The following DOCK5 variants were observed in gnomAD, a reference collection of about 807,000 sequenced individuals.
DOCK5 encodes the protein dedicator of cytokinesis protein 5.
DOCK5 carries 142 observed loss-of-function variants against 251.8 expected under a neutral mutation model. The observed-to-expected ratio is 0.56, with a 90% confidence interval of 0.49 to 0.65. DOCK5 has a LOEUF of 0.65. Ranked by LOEUF, DOCK5 falls within the 30% of genes least tolerant of loss-of-function variation. DOCK5 has a pLI of 0.00. For missense variants in DOCK5, 2,111 were observed against 2,312.3 expected (o/e 0.91, Z 1.79); for synonymous variants, 842 against 835.5 (o/e 1.01, Z -0.13).
At chr8:25,372,814 GC>G (rs34170910) in intron 35 of DOCK5, 96 bp downstream of exon 35, 1 of 1,256,114 alleles carries the variant, frequency 8.0e-7, no homozygotes, top group Non-Finnish European at 1.1e-6. Context: ...ACACAGAGGC[GC>G]CCTGAGGCAC....
chr8:25,364,165 A>G (rs973592909), intron 29 of DOCK5, among the ~76,000 whole-genome samples: 2 of 152,200 alleles, frequency 1.3e-5, no homozygotes, highest in Non-Finnish European at 2.9e-5. Flanking sequence ...TTAATGAGAT[A>G]AATAAACCAT....
intron 2 of DOCK5, among the ~76,000 whole-genome samples, chr8:25,256,667 T>C (rs914997430): frequency 2.1e-4 from 32 of 150,150 alleles, no homozygotes; most frequent in Non-Finnish European, 3.8e-4. Flanking sequence ...AAAGAATCTG[T>C]TATAGTTGGA....
intron 28 of DOCK5, among the ~76,000 whole-genome samples, chr8:25,362,079 AT>A (rs1462619359): frequency 6.6e-6 from 1 of 152,208 alleles, no homozygotes; most frequent in African/African-American, 2.4e-5. Context: ...AGAGCTCTGT[AT>A]GCTTAAGTGA....
At chr8:25,201,896 G>C (rs972273558) in intron 1 of DOCK5, among the ~76,000 whole-genome samples, 5 of 152,140 alleles carry the variant, frequency 3.3e-5, no homozygotes, top group African/African-American at 1.2e-4. Context: ...AATACTGGTT[G>C]GCTCAGAACC....
chr8:25,346,523 C>T (rs1800369714), intron 26 of DOCK5, among the ~76,000 whole-genome samples: 1 of 151,406 alleles, frequency 6.6e-6, no homozygotes. Flanking sequence ...GCCCCCATCC[C>T]TCTTGAAAAC....
chr8:25,380,069 C>A lies in DOCK5; in HGVS notation c.3937-236C>A, dbSNP rs145644811. Among the ~76,000 whole-genome samples the A allele has an allele frequency of 1.9e-3, 288 of 152,326 alleles. 3 individuals carry two copies. Among genetic ancestry groups the A allele is most frequent in the African/African-American group, 6.7e-3 (277 of 41,574 alleles). Reference sequence around the variant, plus strand: ...GACACATGGTACTTATTCTTAATGTCCGTGCAAACAGAACTACAGAAGACG... The same window carrying A: ...GACACATGGTACTTATTCTTAATGTACGTGCAAACAGAACTACAGAAGACG... On this transcript the variant is annotated intron_variant, in intron 38 of 51. Transcript: ENST00000276440.
chr8:25,262,171 A>G (rs1270971494), intron 2 of DOCK5, among the ~76,000 whole-genome samples: 2 of 151,646 alleles, frequency 1.3e-5, no homozygotes, highest in Non-Finnish European at 2.9e-5. Flanking sequence ...ACCACCAGCA[A>G]TGAGAGAGAG....
At chr8:25,299,248 T>C (rs1804695999) in intron 8 of DOCK5, 147 bp downstream of exon 8, 6 of 938,698 alleles carry the variant, frequency 6.4e-6, no homozygotes, top group Non-Finnish European at 7.7e-6. Flanking sequence ...TAAAATCATA[T>C]GGTCTATGAA....
intron 11 of DOCK5, 68 bp downstream of exon 11, chr8:25,304,395 C>CCTGTTTCTGTGTTAAA: frequency 7.3e-7 from 1 of 1,367,382 alleles, no homozygotes; most frequent in Non-Finnish European, 1.0e-6. Context: ...TCTTTTAACA[C>CCTGTTTCTGTGTTAAA]AGAAACAGGT....
At chr8:25,259,163 C>A (rs1477995538) in intron 2 of DOCK5, among the ~76,000 whole-genome samples, 1 of 152,096 alleles carries the variant, frequency 6.6e-6, no homozygotes, top group African/African-American at 2.4e-5. Context: ...ATAAATAAAG[C>A]CAGAAGACTT....
chr8:25,312,366 A>G (rs58786999), intron 13 of DOCK5, among the ~76,000 whole-genome samples: 5,938 of 152,286 alleles, frequency 0.039, 170 homozygotes, highest in African/African-American at 0.077. Context: ...AGGTGAGTTT[A>G]CCTTTTAAAT....
At chr8:25,324,241 A>G (rs185187841) in intron 17 of DOCK5, among the ~76,000 whole-genome samples, 2 of 152,228 alleles carry the variant, frequency 1.3e-5, no homozygotes, top group Admixed American at 1.3e-4. Context: ...GTGAATGGTA[A>G]GGGGTCGGCC....
chr8:25,298,657 G>A (rs2941607), intron 7 of DOCK5, among the ~76,000 whole-genome samples: 105,013 of 151,996 alleles, frequency 0.69, 39,013 homozygotes, highest in Non-Finnish European at 0.84. Context: ...CTGGAGTTCA[G>A]TGACTCCATC....
intron 2 of DOCK5, among the ~76,000 whole-genome samples, chr8:25,264,020 C>T (rs2117589197): frequency 6.6e-6 from 1 of 151,896 alleles, no homozygotes; most frequent in Admixed American, 6.5e-5. Flanking sequence ...CTTTACTCCC[C>T]CATTCATGGC....
rs1289521847 is a variant in DOCK5 at position 25,268,904 on chromosome 8, T to C, written c.168+19T>C. 6.5e-7 allele frequency: 1 copy of C among 1,542,040 alleles called. No individual in the cohort carries two copies. Among genetic ancestry groups the C allele is most frequent in the Non-Finnish European group, 8.8e-7 (1 of 1,141,026 alleles). On this transcript the variant is annotated intron_variant, in intron 3 of 51. Transcript: ENST00000276440. ...TAAAAAGGTATGACTTATCATTCAC[T>C]TTTTAATTTCATTTGAAATCTGTCT...
intron 2 of DOCK5, among the ~76,000 whole-genome samples, chr8:25,260,468 G>C (rs1330039020): frequency 6.6e-6 from 1 of 151,832 alleles, no homozygotes; most frequent in Non-Finnish European, 1.5e-5. Flanking sequence ...AGTAGGGAGA[G>C]ATTTTATAAA....
rs370868061 is a variant in DOCK5, at chr8:25,395,770, G to A, written c.4704+51G>A. ...GGGATTCACAGACCTGGGTGTCTGT[G>A]TGCCTCCCTCTGTGCCATTTGCCAC... On this transcript the variant is annotated intron_variant, in intron 45 of 51. Transcript: ENST00000276440. The A allele has an allele frequency of 3.2e-6, 5 of 1,577,088 alleles. No homozygotes were observed. In the African/African-American group the frequency reaches 5.4e-5, roughly 17 times the overall value.
At chr8:25,411,003 G>A (rs1412946459) in intron 51 of DOCK5, among the ~76,000 whole-genome samples, 191 bp from the exon 52 acceptor site, 6 of 129,078 alleles carry the variant, frequency 4.6e-5, no homozygotes, top group South Asian at 2.6e-4. Context: ...ACGCACGCAC[G>A]CGTGTGTCTG....
At chr8:25,347,362 T>C (rs1214757439) in intron 26 of DOCK5, among the ~76,000 whole-genome samples, 2 of 152,234 alleles carry the variant, frequency 1.3e-5, no homozygotes, top group Admixed American at 6.5e-5. Flanking sequence ...TTTGCACTGC[T>C]TACTTGATAT....
Sources: gnomAD v4.1 joint callset for allele counts (sites outside exome capture counted in the v4.1 genomes callset) on GRCh38, gnomAD v4.1.1 for gene constraint, MANE v1.5 for transcripts, NCBI Gene and HGNC (gene_info 2026-07-23, HGNC 2026-07-21) for gene names.